CLN8: variants seen among roughly 807,000 people sequenced by gnomAD.
The protein encoded by CLN8 is CLN8 transmembrane ER and ERGIC protein, also known as protein CLN8.
In CLN8, 14 loss-of-function variants were observed where a neutral mutation model predicts 15.7. The observed-to-expected ratio is 0.89, with a 90% CI of 0.59 to 1.39. The LOEUF (loss-of-function observed/expected upper bound fraction) is 1.39. Ranked by LOEUF, CLN8 falls within the 40% of genes most tolerant of loss-of-function variation. The pLI is 0.00. For synonymous variants in CLN8, 188 were observed against 151.0 expected (o/e 1.25, Z -1.80); for missense variants, 415 against 364.0 (o/e 1.14, Z -1.14).
intron 2 of CLN8, among the ~76,000 whole-genome samples, chr8:1,774,126 G>T (rs1801420930): frequency 6.6e-6 from 1 of 152,170 alleles, no homozygotes; most frequent in Admixed American, 6.5e-5. Context: ...GCCAGGTGTG[G>T]GGACAGCGTC....
intron 2 of CLN8, among the ~76,000 whole-genome samples, chr8:1,776,502 G>A (rs1226922386): frequency 6.6e-6 from 1 of 151,802 alleles, no homozygotes; most frequent in Non-Finnish European, 1.5e-5. Context: ...GCAGATGTGT[G>A]TGTGGCCTTG....
intron 2 of CLN8, among the ~76,000 whole-genome samples, chr8:1,771,973 T>C (rs1211097295): frequency 6.6e-6 from 1 of 151,880 alleles, no homozygotes; most frequent in Non-Finnish European, 1.5e-5. Context: ...CCTCACTCTG[T>C]CGCCCAGGCT....
At chr8:1,775,946 G>A (rs781199046) in intron 2 of CLN8, among the ~76,000 whole-genome samples, 2 of 152,266 alleles carry the variant, frequency 1.3e-5, no homozygotes, top group Non-Finnish European at 2.9e-5. Context: ...AGGCACATAT[G>A]CATGTGGTGC....
intron 1 of CLN8, among the ~76,000 whole-genome samples, chr8:1,766,968 G>C (rs1450155169): frequency 6.6e-6 from 1 of 152,206 alleles, no homozygotes; most frequent in Non-Finnish European, 1.5e-5. Flanking sequence ...CTTGTGACTT[G>C]GGGTGAACCA....
Position 1,771,493 on chromosome 8 carries a change from C to T in CLN8, c.439C>T (p.Leu147Phe), listed in dbSNP as rs1801304212. ...IHHLFAFLGF[L>F]GCLVNLQAGH... The stretch of plus-strand genomic sequence containing the variant: ...CCATCTCTTTGCCTTTCTTGGGTTT[C>T]TTGGCTGCTTGGTCAATCTCCAAGC... The change falls in exon 2 of 3, where the codon CTT becomes TTT. Residue 147 changes from leucine (L) to phenylalanine (F), a missense_variant. Physicochemically the swap from Leu to Phe is conservative, Grantham distance 22 (BLOSUM62 0). Coordinates refer to ENST00000331222, the MANE Select transcript of CLN8 (RefSeq NM_018941.4). 2 of 1,614,074 alleles carry T rather than the reference C, an allele frequency of 1.2e-6. No homozygotes were observed. The highest frequency in any genetic ancestry group is 1.7e-6 in the Non-Finnish European group (2 of 1,180,038).
At position 1,766,516 on chromosome 8, in the gene CLN8, A is replaced by G. The variant is rs184797633; in HGVS notation, c.-124+2631A>G. ...GCCATTCTCCTGCCTCAGCCTCCCG[A>G]GTAGCTGGGACTACAGGCGCTCGCC... On this transcript the variant is annotated intron_variant, in intron 1 of 2. Coordinates refer to ENST00000331222, the MANE Select transcript of CLN8 (RefSeq NM_018941.4). Among the ~76,000 whole-genome samples, 213 of 151,300 alleles carry G rather than the reference A, an allele frequency of 1.4e-3. 1 individual carries two copies. Among genetic ancestry groups the G allele is most frequent in the African/African-American group, 5.0e-3 (207 of 41,182 alleles).
chr8:1,753,816 G>A (rs577358328), upstream of CLN8, among the ~76,000 whole-genome samples: 13 of 151,494 alleles, frequency 8.6e-5, no homozygotes, highest in Middle Eastern at 3.4e-3. Context: ...AACCCGGGAG[G>A]CAGAGGTTGC....
rs995147470 is a variant in CLN8, at chr8:1,786,302, T to A, written c.*5735T>A. On this transcript the variant is annotated 3_prime_UTR_variant, in exon 3 of 3. Coordinates refer to ENST00000331222, the MANE Select transcript of CLN8 (RefSeq NM_018941.4). ...CATCGCCCACCCTGCGGTCCTGATTTCAGCTCACCTCAGAGTAAATCAGAA... is the reference window on the plus strand; with the variant it reads ...CATCGCCCACCCTGCGGTCCTGATTACAGCTCACCTCAGAGTAAATCAGAA... The A allele has an allele frequency of 6.6e-6, 1 of 152,256 alleles. No homozygotes were observed. Among genetic ancestry groups the A allele is most frequent in the African/African-American group, 2.4e-5 (1 of 41,468 alleles). 9.4% of individuals were successfully genotyped at this position (152,256 alleles called of 1,614,324 possible).
chr8:1,772,261 AGTAATATCTGT>A (rs1249417428), intron 2 of CLN8, among the ~76,000 whole-genome samples: 1 of 151,846 alleles, frequency 6.6e-6, no homozygotes, highest in African/African-American at 2.4e-5. Context: ...GAAAAACTGA[AGTAATATCTGT>A]GCGTACACAC....
chr8:1,774,269 G>T (rs1801427212), intron 2 of CLN8, among the ~76,000 whole-genome samples: 1 of 152,098 alleles, frequency 6.6e-6, no homozygotes, highest in African/African-American at 2.4e-5. Context: ...ATGGAGAAAG[G>T]GTTATTTAAG....
chr8:1,768,449 G>A (rs968427902), intron 1 of CLN8, among the ~76,000 whole-genome samples: 4 of 152,190 alleles, frequency 2.6e-5, no homozygotes, highest in African/African-American at 9.7e-5. Flanking sequence ...TGGAGTCGGG[G>A]TTTCTCTCGT....
At chr8:1,778,738 G>A (rs1380072832) in intron 2 of CLN8, among the ~76,000 whole-genome samples, 1 of 152,208 alleles carries the variant, frequency 6.6e-6, no homozygotes, top group Admixed American at 6.5e-5. Flanking sequence ...AAGGACTCCC[G>A]TGACAGTTGT....
chr8:1,769,472 G>T (rs997187148), intron 1 of CLN8, among the ~76,000 whole-genome samples: 1 of 152,164 alleles, frequency 6.6e-6, no homozygotes, highest in African/African-American at 2.4e-5. Context: ...GGAGTGTGGT[G>T]TTCCCAGCCC....
upstream of CLN8, among the ~76,000 whole-genome samples, chr8:1,761,696 A>C (rs1339031704): frequency 1.3e-5 from 2 of 152,318 alleles, 1 homozygote; most frequent in South Asian, 4.1e-4. Context: ...GAGGGGTCAG[A>C]TCAGAGATGA....
At chr8:1,779,478 C>A (rs975390066) in intron 2 of CLN8, among the ~76,000 whole-genome samples, 3 of 152,202 alleles carry the variant, frequency 2.0e-5, no homozygotes, top group Middle Eastern at 3.2e-3. Context: ...CTTCTGACTT[C>A]AAGTGATCTA....
intron 2 of CLN8, among the ~76,000 whole-genome samples, chr8:1,771,893 C>G (rs113366520): frequency 2.9e-3 from 440 of 151,774 alleles, no homozygotes; most frequent in African/African-American, 0.01. Flanking sequence ...TAGATAGCGT[C>G]TGGAAGCACT....
chr8:1,755,392 G>A (rs1413838396), upstream of CLN8, among the ~76,000 whole-genome samples: 1 of 151,978 alleles, frequency 6.6e-6, no homozygotes, highest in Non-Finnish European at 1.5e-5. Flanking sequence ...TTCTCTCACT[G>A]GCATGGAGCT....
chr8:1,754,098 C>A (rs1800613442), upstream of CLN8, among the ~76,000 whole-genome samples: 1 of 152,084 alleles, frequency 6.6e-6, no homozygotes, highest in Admixed American at 6.6e-5. Flanking sequence ...TTCGCTGATA[C>A]AAAAATTGCA....
chr8:1,766,747 A>C lies in CLN8; in HGVS notation c.-124+2862A>C, dbSNP rs906210818. Among the ~76,000 whole-genome samples, 6 of 152,238 alleles carry C rather than the reference A, an allele frequency of 3.9e-5. No homozygotes were observed. In the East Asian group the frequency reaches 1.2e-3, roughly 29 times the overall value. On this transcript the variant is annotated intron_variant, in intron 1 of 2. Coordinates refer to ENST00000331222, the MANE Select transcript of CLN8 (RefSeq NM_018941.4). The stretch of plus-strand genomic sequence containing the variant: ...ACAGTGACTTCCAGCTGTGCATTAC[A>C]CTTAAGGACTCCTTCATGTGGCCTG...
Sources: gnomAD v4.1 joint callset for allele counts (sites outside exome capture counted in the v4.1 genomes callset) on GRCh38, gnomAD v4.1.1 for gene constraint, MANE v1.5 for transcripts, NCBI Gene and HGNC (gene_info 2026-07-23, HGNC 2026-07-21) for gene names.